The following EMSY variants were observed in gnomAD, a reference collection of about 807,000 sequenced individuals.
EMSY encodes the protein EMSY transcriptional repressor, BRCA2 interacting.
Under a neutral mutation model 134.6 loss-of-function variants are expected in EMSY, and 26 were observed. The ratio of observed to expected loss-of-function variants is 0.19; its 90% CI spans 0.14 to 0.27. The LOEUF (loss-of-function observed/expected upper bound fraction) is 0.27, where lower values mean the gene tolerates loss of function less well. Among genes scored for constraint, EMSY ranks in the 10% least tolerant of loss-of-function variants. The pLI is 1.00. For synonymous variants in EMSY, 579 were observed against 577.8 expected, an observed-to-expected ratio of 1.00 and a Z score of -0.03; for missense variants, 1,305 against 1,611.4, an observed-to-expected ratio of 0.81 and a Z score of 3.26.
At chr11:76,493,326 G>A (rs1211413151) in intron 8 of EMSY, among the ~76,000 whole-genome samples, 2 of 152,274 alleles carry the variant, frequency 1.3e-5, no homozygotes, top group South Asian at 4.1e-4. Context: ...GCCTGCAGGC[G>A]CCCCTTCCCC....
At chr11:76,466,370 T>C (rs1214199926) in intron 7 of EMSY, among the ~76,000 whole-genome samples, 1 of 152,214 alleles carries the variant, frequency 6.6e-6, no homozygotes, top group African/African-American at 2.4e-5. Flanking sequence ...CCTTAGGTTT[T>C]TACACTCTTA....
Position 76,542,400 on chromosome 11 carries a change from C to T in EMSY, c.2709+33C>T, listed in dbSNP as rs1321568270. The T allele has an allele frequency of 1.9e-6, 3 of 1,597,880 alleles. No homozygotes were observed. In the African/African-American group the frequency reaches 4.0e-5, roughly 21 times the overall value. On this transcript the variant is annotated intron_variant, in intron 18 of 20. Transcript: ENST00000334736. ...CTCTTCTTTTTCTTCCTATCTTCTG[C>T]AACTGCCCATGCTTGAAATAAGATT...
chr11:76,535,995 A>G, exon 15 of EMSY: 1 of 1,603,568 alleles, frequency 6.2e-7, no homozygotes, highest in Non-Finnish European at 8.5e-7. Flanking sequence ...ATCAGGATGT[A>G]TCCAGTGAAT....
chr11:76,525,551 A>T (rs1389040837), intron 12 of EMSY, among the ~76,000 whole-genome samples: 1 of 152,186 alleles, frequency 6.6e-6, no homozygotes, highest in South Asian at 2.1e-4. Context: ...TTAATTTTAA[A>T]AATTTTAATA....
chr11:76,511,083 T>G (rs1950259933), intron 9 of EMSY, among the ~76,000 whole-genome samples: 1 of 151,552 alleles, frequency 6.6e-6, no homozygotes, highest in Non-Finnish European at 1.5e-5. Context: ...GTGCCAGATA[T>G]CAATATTTGG....
At chr11:76,544,072 C>A (rs941723105) in intron 18 of EMSY, among the ~76,000 whole-genome samples, 187 bp from the exon 20 acceptor site, 2 of 152,142 alleles carry the variant, frequency 1.3e-5, no homozygotes, top group African/African-American at 4.8e-5. Flanking sequence ...GACCAGTTTT[C>A]GAAGCACTTA....
intron 10 of EMSY, among the ~76,000 whole-genome samples, chr11:76,513,955 T>C (rs1445049446): frequency 6.6e-6 from 1 of 152,096 alleles, no homozygotes; most frequent in Non-Finnish European, 1.5e-5. Context: ...TCTGATGAAG[T>C]TGAGAAGAGT....
rs756125292 is a variant in EMSY, at chr11:76,544,546, C to A, written c.2997C>A (p.Ile999=). The change falls in exon 19 of 21, where the codon ATC becomes ATA. Residue 999 remains isoleucine, a synonymous_variant. Transcript: ENST00000334736. ...TCCCGCAAATGCCCCAGCTTTCCAT[C>A]AGGCATCAAAAACTCACCCCTCTCC... is the stretch of plus-strand genomic sequence containing the variant. 2.5e-6 allele frequency: 4 copies of A among 1,614,118 alleles called. No homozygotes were observed. In the East Asian group the frequency reaches 8.9e-5, roughly 36 times the overall value.
intron 7 of EMSY, among the ~76,000 whole-genome samples, chr11:76,470,750 A>G (rs1012243289): frequency 2.6e-5 from 4 of 152,052 alleles, no homozygotes; most frequent in African/African-American, 4.8e-5. Flanking sequence ...GTGGCTTTCT[A>G]TTATACTTAG....
rs1453575774 is a variant in EMSY at position 76,504,307 on chromosome 11, A to G, written c.1363+7838A>G. Reference sequence around the variant, plus strand: ...GAGTTTTTATATATATATAATATATATATATAAACTCTTATAACTCAATGG... The same window carrying G: ...GAGTTTTTATATATATATAATATATGTATATAAACTCTTATAACTCAATGG... On this transcript the variant is annotated intron_variant, in intron 9 of 20. Transcript: ENST00000334736. 2.7e-5 allele frequency among the ~76,000 whole-genome samples: 4 copies of G among 149,692 alleles called. No individual in the cohort carries two copies. The East Asian group carries it at 7.8e-4, about 29-fold the overall frequency.
chr11:76,458,625 T>C (rs1947975250), intron 5 of EMSY: 1 of 270,114 alleles, frequency 3.7e-6, no homozygotes, highest in Non-Finnish European at 6.9e-6. Context: ...GTGTGTCTTG[T>C]TAAAAATGAA....
intron 7 of EMSY, among the ~76,000 whole-genome samples, chr11:76,467,950 G>A (rs1403249105): frequency 6.7e-6 from 1 of 148,612 alleles, no homozygotes; most frequent in Non-Finnish European, 1.5e-5. Context: ...TTGCACTCCA[G>A]CCTGGGCAGC....
At chr11:76,470,573 A>G (rs941645724) in intron 7 of EMSY, among the ~76,000 whole-genome samples, 3 of 152,078 alleles carry the variant, frequency 2.0e-5, no homozygotes, top group Admixed American at 1.3e-4. Context: ...CTTTATTTCT[A>G]CTACTAACAC....
At chr11:76,538,713 T>A (rs144810949) in intron 16 of EMSY, among the ~76,000 whole-genome samples, 3 of 152,222 alleles carry the variant, frequency 2.0e-5, no homozygotes, top group African/African-American at 7.2e-5. Flanking sequence ...ATCCCAGCAT[T>A]TTGGGAGGCC....
chr11:76,457,226 A>G (rs1947908965), intron 4 of EMSY, among the ~76,000 whole-genome samples: 1 of 152,224 alleles, frequency 6.6e-6, no homozygotes, highest in Admixed American at 6.5e-5. Flanking sequence ...GGGTGGACAT[A>G]CAGAGTCTTA....
chr11:76,502,062 A>C (rs971704853), intron 9 of EMSY, among the ~76,000 whole-genome samples: 2 of 144,580 alleles, frequency 1.4e-5, no homozygotes, highest in South Asian at 2.2e-4. Context: ...AAAAAAAAAA[A>C]CCCACCAACT....
intron 16 of EMSY, 51 bp from the exon 18 acceptor site, chr11:76,539,548 A>G (rs142025677): frequency 4.4e-6 from 7 of 1,578,660 alleles, no homozygotes; most frequent in Middle Eastern, 1.7e-4. Flanking sequence ...AGATTCTTGC[A>G]TGGTGAACAG....
chr11:76,501,386 CATTA>C (rs1168493952), intron 9 of EMSY, among the ~76,000 whole-genome samples: 1 of 152,078 alleles, frequency 6.6e-6, no homozygotes, highest in Non-Finnish European at 1.5e-5. Context: ...TTGAAGTAGC[CATTA>C]CAAATATGTT....
chr11:76,472,893 A>T, intron 8 of EMSY, 53 bp downstream of exon 9: 1 of 1,581,212 alleles, frequency 6.3e-7, no homozygotes. Context: ...TGGAATTTTG[A>T]AGAAAACTTG....
Sources: gnomAD v4.1 joint callset for allele counts (sites outside exome capture counted in the v4.1 genomes callset) on GRCh38, gnomAD v4.1.1 for gene constraint, MANE v1.5 for transcripts, NCBI Gene and HGNC (gene_info 2026-07-23, HGNC 2026-07-21) for gene names.